FKBP15: variants seen among roughly 807,000 people sequenced by gnomAD.
The protein encoded by FKBP15 is FKBP prolyl isomerase family member 15, also known as FK506-binding protein 15.
Under a neutral mutation model 158.1 loss-of-function variants are expected in FKBP15, and 106 were observed. The observed-to-expected ratio is 0.67, with a 90% CI of 0.57 to 0.79. The LOEUF (loss-of-function observed/expected upper bound fraction) is 0.79, where lower values mean the gene tolerates loss of function less well. FKBP15 is among the 30% of genes least tolerant of loss of function. The pLI, the probability that FKBP15 is intolerant of heterozygous loss-of-function variation, is 0.00. For missense variants in FKBP15, 1,287 were observed against 1,479.1 expected, an observed-to-expected ratio of 0.87 and a Z score of 2.13; for synonymous variants, 547 against 548.6, an observed-to-expected ratio of 1.00 and a Z score of 0.04.
chr9:113,177,449 CTAA>C (rs1242092929), intron 20 of FKBP15, among the ~76,000 whole-genome samples: 1 of 152,220 alleles, frequency 6.6e-6, no homozygotes, highest in Non-Finnish European at 1.5e-5. Flanking sequence ...CTAAGACTGT[CTAA>C]CACATTTGCC....
chr9:113,186,579 C>G lies in FKBP15; in HGVS notation c.1384-216G>C, dbSNP rs878952198. ...GGAAACCAGTCACTAAAATCCTACC[C>G]AGAAACTGAAGAAAGTGTATCTTAG... On this transcript the variant is annotated intron_variant, in intron 14 of 27. Transcript: ENST00000238256. The G allele has an allele frequency of 1.5e-5, 8 of 517,776 alleles. No homozygotes were observed. In the Admixed American group the frequency reaches 2.2e-4, roughly 14 times the overall value. The allele number at this position is 517,776 out of a possible 1,614,324, so 32.1% of individuals were successfully genotyped here. A position where few individuals can be genotyped will look rare whatever the true frequency, so the allele number is the denominator to read the frequency against.
Position 113,215,735 on chromosome 9 carries a change from C to T in FKBP15, c.54-4143G>A, listed in dbSNP as rs929635807. Among the ~76,000 whole-genome samples, 137 of 146,926 alleles carry T rather than the reference C, an allele frequency of 9.3e-4. 11 individuals carry two copies. The highest frequency in any genetic ancestry group is 2.0e-4 in the East Asian group (1 of 5,002). On this transcript the variant is annotated intron_variant, in intron 1 of 27. Coordinates refer to ENST00000238256, the MANE Select transcript of FKBP15 (RefSeq NM_015258.2). ...CCCAATCTCGGCTCACTACAACCTC[C>T]GCCTCCTGGGTTCAAGCGATTCACA... is the stretch of plus-strand genomic sequence containing the variant.
rs1487091737 is a variant in FKBP15, at chr9:113,183,863, G to T, written c.1717-18C>A. ...TCATTTTCCTAATTTCAAAATATAT[G>T]ATGTACAATTTAAGTGTCTTGGGAG... On this transcript the variant is annotated intron_variant, in intron 17 of 27. Coordinates refer to ENST00000238256, the MANE Select transcript of FKBP15 (RefSeq NM_015258.2). 2 of 1,578,962 alleles carry T rather than the reference G, an allele frequency of 1.3e-6. No individual in the cohort carries two copies. The highest frequency in any genetic ancestry group is 1.7e-6 in the Non-Finnish European group (2 of 1,149,338).
At chr9:113,202,236 T>A in intron 6 of FKBP15, among the ~76,000 whole-genome samples, 2 of 149,532 alleles carry the variant, frequency 1.3e-5, no homozygotes, top group South Asian at 4.3e-4. Context: ...TTAAAGATAG[T>A]TTTATTTATT....
Position 113,184,810 on chromosome 9 carries a change from C to CAGAT in FKBP15, c.1499-10_1499-7dup. 2 of 1,582,194 alleles carry CAGAT rather than the reference C, an allele frequency of 1.3e-6. No homozygotes were observed. Among genetic ancestry groups the CAGAT allele is most frequent in the South Asian group, 1.1e-5 (1 of 86,990 alleles). ...TGAAGCCATATCACCTGATCCTAAACAGATACAAGCCAAAAAGAAACTTAT... is the reference window on the plus strand; with the variant it reads ...TGAAGCCATATCACCTGATCCTAAACAGATAGATACAAGCCAAAAAGAAACTTAT... On this transcript the variant is annotated splice_region_variant and splice_polypyrimidine_tract_variant and intron_variant, in intron 15 of 27. Transcript: ENST00000238256. The surrounding 1 kb of genome is among the most constrained non-coding windows in gnomAD (Gnocchi z 4.5).
chr9:113,186,094 T>C (rs1310955498), intron 15 of FKBP15, among the ~76,000 whole-genome samples, 155 bp downstream of exon 15: 2 of 152,156 alleles, frequency 1.3e-5, no homozygotes, highest in African/African-American at 2.4e-5. Context: ...TTAAAATGAA[T>C]GAATGTGTGG....
At chr9:113,168,101 C>G (rs1830126422) in intron 27 of FKBP15, among the ~76,000 whole-genome samples, 1 of 152,168 alleles carries the variant, frequency 6.6e-6, no homozygotes. Context: ...GCAAGATGAT[C>G]TTCAAAGTCC....
At chr9:113,169,189 AC>A (rs1830157101) in intron 26 of FKBP15, 34 bp downstream of exon 26, 1 of 1,583,420 alleles carries the variant, frequency 6.3e-7, no homozygotes, top group African/African-American at 1.3e-5. Context: ...ACAGATAACT[AC>A]CCTGTCCCTG....
Position 113,163,072 on chromosome 9 carries a change from A to C in FKBP15, c.*3006T>G. The C allele has an allele frequency of 1.5e-6, 1 of 670,374 alleles. No homozygotes were observed. The highest frequency in any genetic ancestry group is 2.4e-6 in the Non-Finnish European group (1 of 425,196). The allele number at this position is 670,374 out of a possible 1,614,324, so 41.5% of individuals were successfully genotyped here. A position where few individuals can be genotyped will look rare whatever the true frequency, so the allele number is the denominator to read the frequency against. On this transcript the variant is annotated 3_prime_UTR_variant, in exon 28 of 28. Transcript: ENST00000238256. ...GCTGAAGCCAGCACTTGCTCCCTGG[A>C]GTTCGGAAGCCATTGCAGCAACCTT...
rs139126313 is a variant in FKBP15 at position 113,192,477 on chromosome 9, T to G, written c.1065+1015A>C. 4.5e-3 allele frequency among the ~76,000 whole-genome samples: 679 copies of G among 152,270 alleles called. 7 individuals carry two copies. Among genetic ancestry groups the G allele is most frequent in the African/African-American group, 0.015 (640 of 41,536 alleles). On this transcript the variant is annotated intron_variant, in intron 11 of 27. Transcript: ENST00000238256. ...GGCAGGCCAGCAGCAAACTACCATA[T>G]GCATCCTTCTTAAAGGCATTCAAAT...
Position 113,183,818 on chromosome 9 carries a change from G to A in FKBP15, c.1744C>T (p.Leu582Phe), listed in dbSNP as rs751118437. The change falls in exon 18 of 28, where the codon CTT becomes TTT. Residue 582 changes from leucine to phenylalanine, a missense_variant. Coordinates refer to ENST00000238256, the MANE Select transcript of FKBP15 (RefSeq NM_015258.2). ...QENERLKQEI[L>F]EKSNRIEEQN... ...TCTTCTATCCGATTGCTCTTTTCAA[G>A]GATCTCTTGCTTCAATCTTTCATTT... The A allele has an allele frequency of 1.9e-6, 3 of 1,613,108 alleles. No homozygotes were observed. In the South Asian group the frequency reaches 3.3e-5, roughly 18 times the overall value.
chr9:113,202,397 C>A, intron 6 of FKBP15, 134 bp downstream of exon 6: 1 of 559,222 alleles, frequency 1.8e-6, no homozygotes, highest in Admixed American at 3.0e-5. Flanking sequence ...GCCGAAGTGG[C>A]AAATTTAGTG....
At position 113,168,468 on chromosome 9, in the gene FKBP15, C is replaced by T; in HGVS notation, c.3574G>A (p.Asp1192Asn). The change falls in exon 27 of 28, where the codon GAC becomes AAC. Residue 1192 changes from aspartate (D) to asparagine (N), a missense_variant. By Grantham distance (23) the Asp-to-Asn change is conservative (BLOSUM62 1). Coordinates refer to ENST00000238256, the MANE Select transcript of FKBP15 (RefSeq NM_015258.2). ...GCCTGGGATTTCCTTACCACCTCGT[C>T]TTCATCCTCCTCCTCAGGCTGTGCT... is the stretch of plus-strand genomic sequence containing the variant. The part of the protein sequence containing the change: ...PKAQPEEEDE[D>N]EVSMKGRPPP... 6.2e-7 allele frequency: 1 copy of T among 1,613,950 alleles called. No individual in the cohort carries two copies. The highest frequency in any genetic ancestry group is 8.5e-7 in the Non-Finnish European group (1 of 1,179,828).
intron 1 of FKBP15, among the ~76,000 whole-genome samples, chr9:113,216,607 T>C (rs1831140517): frequency 6.6e-6 from 1 of 152,140 alleles, no homozygotes; most frequent in African/African-American, 2.4e-5. Flanking sequence ...TCTGGAAGAG[T>C]TGGGTTTCAC....
chr9:113,200,036 T>C (rs978475658), intron 6 of FKBP15, 73 bp from the exon 7 acceptor site: 58 of 1,463,148 alleles, frequency 4.0e-5, no homozygotes, highest in Non-Finnish European at 5.0e-5. Context: ...TTGCTACTGC[T>C]CTTTCTCAAA....
At chr9:113,169,979 G>A (rs1480805128) in intron 25 of FKBP15, 37 bp from the exon 26 acceptor site, 1 of 1,497,966 alleles carries the variant, frequency 6.7e-7, no homozygotes, top group Non-Finnish European at 8.9e-7. Context: ...TCACTGAAAG[G>A]AACACAGTAG....
At position 113,184,260 on chromosome 9, in the gene FKBP15, A is replaced by T; in HGVS notation, c.1716+32T>A. 6.8e-7 allele frequency: 1 copy of T among 1,470,806 alleles called. No individual in the cohort carries two copies. Among genetic ancestry groups the T allele is most frequent in the Non-Finnish European group, 9.4e-7 (1 of 1,067,994 alleles). The allele number at this position is 1,470,806 out of a possible 1,614,324, so 91.1% of individuals were successfully genotyped here. A position where few individuals can be genotyped will look rare whatever the true frequency, so the allele number is the denominator to read the frequency against. On this transcript the variant is annotated intron_variant, in intron 17 of 27. Coordinates refer to ENST00000238256, the MANE Select transcript of FKBP15 (RefSeq NM_015258.2). This position sits in a 1 kb window ranked among gnomAD's most constrained non-coding sequence, Gnocchi z 4.5. ...AGAAGAGAGGATGGGTAAGACCTTCAGCCTGAGTGGTATGTTCTTAATCAC... is the reference window on the plus strand; with the variant it reads ...AGAAGAGAGGATGGGTAAGACCTTCTGCCTGAGTGGTATGTTCTTAATCAC...
rs1830440755 is a variant in FKBP15 at position 113,183,771 on chromosome 9, T to C, written c.1791A>G (p.Glu597=). 2 of 1,613,356 alleles carry C rather than the reference T, an allele frequency of 1.2e-6. No individual in the cohort carries two copies. Among genetic ancestry groups the C allele is most frequent in the African/African-American group, 1.3e-5 (1 of 75,048 alleles). Residue 597 remains glutamate, a synonymous_variant, in exon 18 of 28, where the codon GAA becomes GAG. Transcript: ENST00000238256. Reference sequence around the variant, plus strand: ...ATTACCTCTGATTTCGTTCAATTAGTTCACTAATCTTGTCATTCTGTTCTT... The same window carrying C: ...ATTACCTCTGATTTCGTTCAATTAGCTCACTAATCTTGTCATTCTGTTCTT... ...RIEEQNDKIS[E]LIERNQRYVE... is the part of the protein sequence containing the mutation.
Position 113,171,510 on chromosome 9 carries a change from A to G in FKBP15, c.2658+71T>C. On this transcript the variant is annotated intron_variant, in intron 24 of 27. Transcript: ENST00000238256. ...AAGTTAGAAAAAGAGCTATTAACACAACATACTGGCCATGTTCTTTCTGAA... is the reference window on the plus strand; with the variant it reads ...AAGTTAGAAAAAGAGCTATTAACACGACATACTGGCCATGTTCTTTCTGAA... 3.3e-6 allele frequency: 5 copies of G among 1,536,966 alleles called. No individual in the cohort carries two copies. The South Asian group carries it at 6.0e-5, about 19-fold the overall frequency.
Sources: allele counts gnomAD v4.1 joint callset (sites outside exome capture counted in the v4.1 genomes callset), GRCh38; gene constraint gnomAD v4.1.1; non-coding constraint Gnocchi (gnomAD v3.1); transcripts MANE v1.5; gene names NCBI Gene and HGNC (gene_info 2026-07-23, HGNC 2026-07-21).